Variants in VAV2 observed in about 807,000 individuals in gnomAD.
The protein encoded by VAV2 is guanine nucleotide exchange factor VAV2.
In VAV2, 67 loss-of-function variants were observed where a neutral mutation model predicts 132.5. The observed-to-expected ratio is 0.51, with a 90% confidence interval of 0.42 to 0.62. VAV2 has a LOEUF of 0.62. VAV2 is among the 20% of genes least tolerant of loss of function. The pLI, the probability that VAV2 is intolerant of heterozygous loss-of-function variation, is 0.00. For missense variants in VAV2, 938 were observed against 1,153.6 expected, an observed-to-expected ratio of 0.81 and a Z score of 2.71; for synonymous variants, 492 against 443.5, an observed-to-expected ratio of 1.11 and a Z score of -1.37.
Position 133,928,205 on chromosome 9 carries a change from G to A in VAV2, c.321+10898C>T, listed in dbSNP as rs1195393390. 6.6e-6 allele frequency among the ~76,000 whole-genome samples: 1 copy of A among 151,942 alleles called. No individual in the cohort carries two copies. Among genetic ancestry groups the A allele is most frequent in the Non-Finnish European group, 1.5e-5 (1 of 67,994 alleles). ...TGTGTGTGTGCGTGCATGTGTGTAT[G>A]TCTGTGTGTGTGCGTGCATGTGTGT... On this transcript the variant is annotated intron_variant, in intron 2 of 29. Transcript: ENST00000371850. This position sits in a 1 kb window ranked among gnomAD's most constrained non-coding sequence, Gnocchi z 5.4.
chr9:133,851,806 TG>T (rs1356262561), intron 3 of VAV2, among the ~76,000 whole-genome samples: 2,345 of 147,532 alleles, frequency 0.016, 70 homozygotes, highest in African/African-American at 0.054. Context: ...AATAAATGGA[TG>T]GATGGATGGA....
chr9:133,979,340 G>T (rs909623705), intron 1 of VAV2, among the ~76,000 whole-genome samples: 2 of 152,178 alleles, frequency 1.3e-5, no homozygotes, highest in South Asian at 4.1e-4. Flanking sequence ...GGATCTGAAC[G>T]CGGCTGTCAG....
intron 2 of VAV2, among the ~76,000 whole-genome samples, chr9:133,866,805 CAAAAA>C (rs55659710): frequency 1.2e-5 from 1 of 85,234 alleles, no homozygotes; most frequent in African/African-American, 4.5e-5. Context: ...GACTCCGTCT[CAAAAA>C]AAAAAAAAAA....
Position 133,928,177 on chromosome 9 carries a change from G to A in VAV2, c.321+10926C>T, listed in dbSNP as rs944369698. ...CGATGGGCTTACCGACTCCGTGTGTGTGTGTGTGTGTGCGTGCATGTGTGT... is the reference window on the plus strand; with the variant it reads ...CGATGGGCTTACCGACTCCGTGTGTATGTGTGTGTGTGCGTGCATGTGTGT... On this transcript the variant is annotated intron_variant, in intron 2 of 29. Transcript: ENST00000371850. This position sits in a 1 kb window ranked among gnomAD's most constrained non-coding sequence, Gnocchi z 5.4. Among the ~76,000 whole-genome samples the A allele has an allele frequency of 3.5e-4, 13 of 36,694 alleles. No individual in the cohort carries two copies. The highest frequency in any genetic ancestry group is 5.9e-4 in the African/African-American group (13 of 22,182). 24.1% of individuals were successfully genotyped at this position (36,694 alleles called of 152,430 possible).
Position 133,913,342 on chromosome 9 carries a change from G to A in VAV2, c.321+25761C>T, listed in dbSNP as rs112585755. ...GTAAGACAGGAAGGTGGGAACGATCGCAGGCACCAGCCACCTGGCAGTCAG... is the reference window on the plus strand; with the variant it reads ...GTAAGACAGGAAGGTGGGAACGATCACAGGCACCAGCCACCTGGCAGTCAG... On this transcript the variant is annotated intron_variant, in intron 2 of 29. Transcript: ENST00000371850. Among the ~76,000 whole-genome samples the A allele has an allele frequency of 5.7e-3, 862 of 152,306 alleles. 9 individuals carry two copies. The highest frequency in any genetic ancestry group is 0.019 in the African/African-American group (801 of 41,562).
chr9:133,854,420 G>T (rs764927301), intron 3 of VAV2, among the ~76,000 whole-genome samples: 1 of 152,260 alleles, frequency 6.6e-6, no homozygotes, highest in African/African-American at 2.4e-5. Flanking sequence ...ATGGCTGGAC[G>T]AATGCAAAAG....
chr9:133,929,320 T>G (rs1158219118), intron 2 of VAV2, among the ~76,000 whole-genome samples: 3 of 152,152 alleles, frequency 2.0e-5, no homozygotes, highest in Non-Finnish European at 2.9e-5. Flanking sequence ...GCAGGGGTTG[T>G]GGCAACAACC....
At chr9:133,851,649 G>A (rs902097078) in intron 3 of VAV2, among the ~76,000 whole-genome samples, 2 of 151,374 alleles carry the variant, frequency 1.3e-5, no homozygotes, top group African/African-American at 4.9e-5. Flanking sequence ...AGGGCAGAGC[G>A]AAATGGACAG....
intron 2 of VAV2, among the ~76,000 whole-genome samples, chr9:133,901,504 A>C (rs984165623): frequency 3.3e-5 from 5 of 152,212 alleles, no homozygotes; most frequent in Non-Finnish European, 7.3e-5. Context: ...CACCACCTCG[A>C]GCCTGGTCTC....
At position 133,992,217 on chromosome 9, in the gene VAV2, T is replaced by A; in HGVS notation, c.62A>T (p.His21Leu). ...LIDCKVLPPNHRVVWPSAVVF... is the reference protein window; with the variant it reads ...LIDCKVLPPNLRVVWPSAVVF... Reference sequence around the variant, plus strand: ...CACGGCCGAGGGCCACACCACCCGGTGGTTGGGCGGCAGGACCTTGCAATC... The same window carrying A: ...CACGGCCGAGGGCCACACCACCCGGAGGTTGGGCGGCAGGACCTTGCAATC... Residue 21 changes from histidine to leucine, a missense_variant, in exon 1 of 30, where the codon CAC (histidine) becomes CTC (leucine). Physicochemically the swap from His to Leu is moderately conservative, Grantham distance 99 (BLOSUM62 -3). Transcript: ENST00000371850. This position sits in a 1 kb window ranked among gnomAD's most constrained non-coding sequence, Gnocchi z 5.5. 2 of 1,592,774 alleles carry A rather than the reference T, an allele frequency of 1.3e-6. No homozygotes were observed. Among genetic ancestry groups the A allele is most frequent in the Non-Finnish European group, 1.7e-6 (2 of 1,170,146 alleles).
intron 1 of VAV2, among the ~76,000 whole-genome samples, chr9:133,983,928 C>T (rs1842776769): frequency 6.6e-6 from 1 of 152,124 alleles, no homozygotes; most frequent in South Asian, 2.1e-4. Flanking sequence ...TAATCTCCCT[C>T]CCTGCATGAA....
At chr9:133,942,240 T>A (rs1451158631) in intron 1 of VAV2, among the ~76,000 whole-genome samples, 1 of 152,200 alleles carries the variant, frequency 6.6e-6, no homozygotes, top group Non-Finnish European at 1.5e-5. Flanking sequence ...GCCCCTTTCC[T>A]TAGCAACTGG....
chr9:133,863,923 C>G lies in VAV2; in HGVS notation c.322-2491G>C, dbSNP rs933524705. On this transcript the variant is annotated intron_variant, in intron 2 of 29. Transcript: ENST00000371850. This position sits in a 1 kb window ranked among gnomAD's most constrained non-coding sequence, Gnocchi z 5.0. ...GCCTGAAAGGTTAGGAGCAGAAGTA[C>G]CTCCCTGCAGGAGGAGGGATGCCCT... Among the ~76,000 whole-genome samples the G allele has an allele frequency of 1.3e-5, 2 of 152,138 alleles. No individual in the cohort carries two copies. Among genetic ancestry groups the G allele is most frequent in the African/African-American group, 2.4e-5 (1 of 41,430 alleles).
chr9:133,852,192 G>A (rs1046531152), intron 3 of VAV2, among the ~76,000 whole-genome samples: 13 of 151,640 alleles, frequency 8.6e-5, no homozygotes, highest in South Asian at 2.1e-4. Flanking sequence ...ATGAGGGGAC[G>A]GATGGACAGA....
At chr9:133,968,235 TG>T (rs1842211543) in intron 1 of VAV2, among the ~76,000 whole-genome samples, 1 of 152,138 alleles carries the variant, frequency 6.6e-6, no homozygotes, top group Non-Finnish European at 1.5e-5. Context: ...GCCACATGTT[TG>T]GGATCATGGG....
intron 2 of VAV2, among the ~76,000 whole-genome samples, chr9:133,913,019 G>A (rs141067506): frequency 3.9e-4 from 59 of 152,334 alleles, no homozygotes; most frequent in African/African-American, 1.3e-3. Flanking sequence ...GCCTGACCCT[G>A]CACACCCAGG....
In VAV2 at chr9:133,866,751, G is replaced by A. The variant is rs181028233; in HGVS notation, c.322-5319C>T. Among the ~76,000 whole-genome samples the A allele has an allele frequency of 1.4e-3, 211 of 151,220 alleles. 1 individual carries two copies. The highest frequency in any genetic ancestry group is 3.4e-3 in the Middle Eastern group (1 of 294). On this transcript the variant is annotated intron_variant, in intron 2 of 29. Coordinates refer to ENST00000371850, the MANE Select transcript of VAV2 (RefSeq NM_001134398.2). ...AACCCAGGACGTGGAGGTTCCAGTG[G>A]GCCGAGATTGCACCACTGCACTCCA...
At chr9:133,832,211 A>G (rs965661552) in intron 4 of VAV2, among the ~76,000 whole-genome samples, 2 of 152,200 alleles carry the variant, frequency 1.3e-5, no homozygotes, top group African/African-American at 4.8e-5. Context: ...CAGCCCAGAG[A>G]CCCAACAGAG....
At chr9:133,976,672 C>T (rs1372900775) in intron 1 of VAV2, among the ~76,000 whole-genome samples, 1 of 152,246 alleles carries the variant, frequency 6.6e-6, no homozygotes, top group Non-Finnish European at 1.5e-5. Flanking sequence ...CCGGCAGCTA[C>T]GCATCTGGCT....
Sources: allele counts gnomAD v4.1 joint callset (sites outside exome capture counted in the v4.1 genomes callset), GRCh38; gene constraint gnomAD v4.1.1; non-coding constraint Gnocchi (gnomAD v3.1); transcripts MANE v1.5; gene names NCBI Gene and HGNC (gene_info 2026-07-23, HGNC 2026-07-21).